DIAPH3: variants seen among roughly 807,000 people sequenced by gnomAD.
The protein encoded by DIAPH3 is diaphanous related formin 3, also known as protein diaphanous homolog 3.
DIAPH3 carries 117 observed loss-of-function variants against 144.3 expected under a neutral mutation model. That is an observed-to-expected ratio of 0.81 (90% CI 0.70 to 0.95). The LOEUF (loss-of-function observed/expected upper bound fraction) is 0.95. DIAPH3 is among the 40% of genes least tolerant of loss of function. The probability of loss-of-function intolerance (pLI) is 0.00; values close to 1 mark genes in which losing one functional copy is unlikely to be tolerated. For synonymous variants in DIAPH3, 519 were observed against 488.9 expected, an observed-to-expected ratio of 1.06 and a Z score of -0.81; for missense variants, 1,421 against 1,412.7, an observed-to-expected ratio of 1.01 and a Z score of -0.09.
chr13:60,151,994 G>A (rs1473354878), intron 1 of DIAPH3, among the ~76,000 whole-genome samples: 1 of 152,102 alleles, frequency 6.6e-6, no homozygotes, highest in Admixed American at 6.5e-5. Flanking sequence ...CTATAGTAAA[G>A]TCCATAATTA....
intron 17 of DIAPH3, among the ~76,000 whole-genome samples, chr13:59,950,906 T>C (rs2049059787): frequency 6.6e-6 from 1 of 152,130 alleles, no homozygotes; most frequent in Admixed American, 6.6e-5. Context: ...TTAAAGGAAA[T>C]TTAAATTCTA....
chr13:59,940,838 C>G (rs146745341), intron 17 of DIAPH3, among the ~76,000 whole-genome samples: 1 of 152,178 alleles, frequency 6.6e-6, no homozygotes, highest in Non-Finnish European at 1.5e-5. Context: ...CAAAGCCTAT[C>G]TAGCCCATCA....
At chr13:59,789,029 T>G (rs2039187911) in intron 25 of DIAPH3, among the ~76,000 whole-genome samples, 1 of 152,198 alleles carries the variant, frequency 6.6e-6, no homozygotes, top group African/African-American at 2.4e-5. Context: ...AAACTGGCAT[T>G]GACTCCCTGG....
chr13:59,876,583 C>CA (rs1307972935), intron 21 of DIAPH3, among the ~76,000 whole-genome samples: 53 of 152,260 alleles, frequency 3.5e-4, no homozygotes, highest in African/African-American at 1.3e-3. Flanking sequence ...TGTCTTATGA[C>CA]AAGTTTCATT....
At chr13:59,673,122 A>G (rs538240874) in intron 27 of DIAPH3, among the ~76,000 whole-genome samples, 2 of 152,336 alleles carry the variant, frequency 1.3e-5, no homozygotes, top group African/African-American at 4.8e-5. Context: ...CTGTGCACAC[A>G]ACAACCAGGA....
intron 20 of DIAPH3, among the ~76,000 whole-genome samples, chr13:59,879,918 G>A (rs1297309131): frequency 6.6e-6 from 1 of 152,144 alleles, no homozygotes. Flanking sequence ...GCTGTCCTCA[G>A]AAACCCTGCT....
chr13:60,058,489 C>A (rs942300093), intron 4 of DIAPH3, among the ~76,000 whole-genome samples: 5 of 151,906 alleles, frequency 3.3e-5, no homozygotes, highest in Non-Finnish European at 2.9e-5. Flanking sequence ...GGAGATTTCT[C>A]AAAGAACTAA....
intron 17 of DIAPH3, among the ~76,000 whole-genome samples, chr13:59,940,654 A>G (rs1192891081): frequency 6.6e-6 from 1 of 152,208 alleles, no homozygotes; most frequent in Admixed American, 6.5e-5. Flanking sequence ...CCCAATTAAA[A>G]TGGACAGTGG....
intron 23 of DIAPH3, among the ~76,000 whole-genome samples, chr13:59,835,556 G>A (rs1312298305): frequency 6.6e-6 from 1 of 151,652 alleles, no homozygotes; most frequent in Non-Finnish European, 1.5e-5. Flanking sequence ...GACTCAGAGA[G>A]AATTAAGAAC....
At chr13:59,684,310 A>G (rs892019439) in intron 27 of DIAPH3, among the ~76,000 whole-genome samples, 1 of 152,178 alleles carries the variant, frequency 6.6e-6, no homozygotes, top group Admixed American at 6.5e-5. Context: ...TGTTTGTTCT[A>G]TGGATTTACA....
chr13:60,090,370 G>C (rs2057890335), intron 4 of DIAPH3, among the ~76,000 whole-genome samples: 2 of 150,910 alleles, frequency 1.3e-5, no homozygotes, highest in Non-Finnish European at 2.9e-5. Flanking sequence ...TTGATTGGTG[G>C]CTTTTTTTTT....
chr13:59,959,895 G>C (rs2049644671), intron 17 of DIAPH3, among the ~76,000 whole-genome samples: 1 of 152,160 alleles, frequency 6.6e-6, no homozygotes, highest in Non-Finnish European at 1.5e-5. Context: ...CTCTAGCTAA[G>C]CTAAGCTGAA....
intron 21 of DIAPH3, among the ~76,000 whole-genome samples, chr13:59,862,518 T>C (rs915625099): frequency 1.3e-5 from 2 of 151,862 alleles, no homozygotes; most frequent in African/African-American, 2.4e-5. Context: ...ATGGGGACAA[T>C]GAGACCATGT....
intron 2 of DIAPH3, among the ~76,000 whole-genome samples, chr13:60,132,144 A>G (rs924247105): frequency 1.3e-5 from 2 of 152,208 alleles, no homozygotes; most frequent in African/African-American, 4.8e-5. Flanking sequence ...TAAGTCATTC[A>G]TGTCAAGATC....
At chr13:60,118,378 A>T (rs977474226) in intron 2 of DIAPH3, among the ~76,000 whole-genome samples, 1 of 152,220 alleles carries the variant, frequency 6.6e-6, no homozygotes, top group Non-Finnish European at 1.5e-5. Flanking sequence ...ATAATTAGTC[A>T]TCTTACAATT....
At position 59,677,499 on chromosome 13, in the gene DIAPH3, A is replaced by G. The variant is rs2032709418; in HGVS notation, c.3320-10653T>C. Among the ~76,000 whole-genome samples the G allele has an allele frequency of 2.0e-5, 3 of 152,170 alleles. No individual in the cohort carries two copies. The South Asian group carries it at 6.2e-4, about 32-fold the overall frequency. ...AATATTATCACTTTGACATATATAT[A>G]GCAAAAATATATTAATGATATCTTT... On this transcript the variant is annotated intron_variant, in intron 27 of 27. Coordinates refer to ENST00000400324, the MANE Select transcript of DIAPH3 (RefSeq NM_001042517.2).
chr13:60,030,618 G>C (rs1031866662), intron 5 of DIAPH3, among the ~76,000 whole-genome samples: 6 of 151,958 alleles, frequency 3.9e-5, no homozygotes, highest in Non-Finnish European at 7.4e-5. Context: ...ATACAATACC[G>C]GGTCCCCTCC....
chr13:60,003,979 T>C lies in DIAPH3; in HGVS notation c.1014+4565A>G, dbSNP rs188315750. The stretch of plus-strand genomic sequence containing the variant: ...ATCAAATGGGGGAAGTGTGCACAAT[T>C]CTATCATAATCATAAACAAATTATC... On this transcript the variant is annotated intron_variant, in intron 9 of 27. Transcript: ENST00000400324. Among the ~76,000 whole-genome samples, 6 of 152,220 alleles carry C rather than the reference T, an allele frequency of 3.9e-5. No homozygotes were observed. The East Asian group carries it at 1.2e-3, about 29-fold the overall frequency.
At chr13:59,789,655 C>G (rs535432545) in intron 25 of DIAPH3, among the ~76,000 whole-genome samples, 1 of 152,200 alleles carries the variant, frequency 6.6e-6, no homozygotes, top group Non-Finnish European at 1.5e-5. Flanking sequence ...CCTGGAACAC[C>G]GTATGATGCC....
Sources: gnomAD v4.1 joint callset for allele counts (sites outside exome capture counted in the v4.1 genomes callset) on GRCh38, gnomAD v4.1.1 for gene constraint, MANE v1.5 for transcripts, NCBI Gene and HGNC (gene_info 2026-07-23, HGNC 2026-07-21) for gene names.